Variants in ARB2A observed in about 807,000 individuals in gnomAD.
ARB2A encodes the protein ARB2 cotranscriptional regulator A, also known as cotranscriptional regulator ARB2A.
chr5:93,968,250 T>G, the ARB2A span, among the ~76,000 whole-genome samples: 1 of 152,116 alleles, frequency 6.6e-6, no homozygotes, highest in Non-Finnish European at 1.5e-5. Flanking sequence ...GACTCAGATA[T>G]AGCAGAGATA....
the ARB2A span, among the ~76,000 whole-genome samples, chr5:93,788,512 C>T: frequency 6.6e-6 from 1 of 152,184 alleles, no homozygotes; most frequent in Non-Finnish European, 1.5e-5. Flanking sequence ...GATGTACCTG[C>T]CTACTGTCTT....
the ARB2A span, among the ~76,000 whole-genome samples, chr5:93,656,621 A>G: frequency 6.6e-6 from 1 of 152,172 alleles, no homozygotes; most frequent in African/African-American, 2.4e-5. Flanking sequence ...GACACTGTTC[A>G]TTATTTTGAT....
At chr5:93,684,079 A>G in the ARB2A span, among the ~76,000 whole-genome samples, 1 of 152,278 alleles carries the variant, frequency 6.6e-6, no homozygotes, top group East Asian at 1.9e-4. Flanking sequence ...GATAGCAATG[A>G]CCGTGTCAAA....
the ARB2A span, among the ~76,000 whole-genome samples, chr5:93,791,517 T>G: frequency 6.6e-6 from 1 of 152,322 alleles, no homozygotes; most frequent in South Asian, 2.1e-4. Context: ...AGAGCAAGCC[T>G]TAGCACTGTG....
At chr5:93,903,007 T>C in the ARB2A span, among the ~76,000 whole-genome samples, 1 of 152,060 alleles carries the variant, frequency 6.6e-6, no homozygotes, top group South Asian at 2.1e-4. Flanking sequence ...GGCCATTTAG[T>C]AGGGGTGAAT....
the ARB2A span, among the ~76,000 whole-genome samples, chr5:93,984,432 T>C: frequency 1.3e-5 from 2 of 152,322 alleles, no homozygotes; most frequent in African/African-American, 4.8e-5. Flanking sequence ...TTTCTTAAAA[T>C]GTTGCAAGAC....
the ARB2A span, among the ~76,000 whole-genome samples, chr5:93,702,079 TCA>T: frequency 6.6e-6 from 1 of 152,280 alleles, no homozygotes; most frequent in East Asian, 1.9e-4. Context: ...CATTTTATTC[TCA>T]GTTTAAATTC....
chr5:94,044,714 A>T, the ARB2A span, among the ~76,000 whole-genome samples: 1 of 152,118 alleles, frequency 6.6e-6, no homozygotes, highest in African/African-American at 2.4e-5. Flanking sequence ...GGCACAAGAT[A>T]CAGGTCATAA....
At chr5:93,930,758 T>C in the ARB2A span, among the ~76,000 whole-genome samples, 1 of 152,228 alleles carries the variant, frequency 6.6e-6, no homozygotes, top group African/African-American at 2.4e-5. Flanking sequence ...AGCATAGTTC[T>C]GTTGAATTTT....
the ARB2A span, among the ~76,000 whole-genome samples, chr5:93,913,101 T>G: frequency 2.0e-5 from 3 of 151,802 alleles, no homozygotes; most frequent in Non-Finnish European, 4.4e-5. Context: ...GTACTTCTGG[T>G]GCTAAGTCCT....
the ARB2A span, among the ~76,000 whole-genome samples, chr5:93,717,363 C>T: frequency 5.9e-5 from 9 of 151,362 alleles, no homozygotes; most frequent in East Asian, 7.8e-4. Flanking sequence ...CTCAACTCAG[C>T]GCTGTGGAAC....
chr5:93,779,436 G>C, the ARB2A span, among the ~76,000 whole-genome samples: 1 of 152,062 alleles, frequency 6.6e-6, no homozygotes, highest in Non-Finnish European at 1.5e-5. Flanking sequence ...TTTTAGTTGA[G>C]ATGAACACTA....
At chr5:93,893,689 T>C in the ARB2A span, among the ~76,000 whole-genome samples, 3 of 152,206 alleles carry the variant, frequency 2.0e-5, no homozygotes, top group Non-Finnish European at 4.4e-5. Flanking sequence ...TAAAGAAATA[T>C]AACATTATGT....
At chr5:94,093,894 A>G in the ARB2A span, among the ~76,000 whole-genome samples, 3 of 152,212 alleles carry the variant, frequency 2.0e-5, no homozygotes, top group Non-Finnish European at 4.4e-5. Flanking sequence ...CAAACAATAG[A>G]CATTCCCATT....
the ARB2A span, among the ~76,000 whole-genome samples, chr5:93,731,711 C>T: frequency 6.6e-6 from 1 of 152,192 alleles, no homozygotes; most frequent in African/African-American, 2.4e-5. Flanking sequence ...CCTGGCCACT[C>T]AACCTAGTCC....
the ARB2A span, among the ~76,000 whole-genome samples, chr5:93,883,262 T>C: frequency 6.6e-6 from 1 of 151,554 alleles, no homozygotes. Context: ...AACTATATAA[T>C]AATATATAGC....
chr5:93,932,570 G>A, the ARB2A span, among the ~76,000 whole-genome samples: 1 of 152,166 alleles, frequency 6.6e-6, no homozygotes, highest in East Asian at 1.9e-4. Context: ...CATTTCTTCA[G>A]TTTATGAAAT....
chr5:94,088,194 A>G, the ARB2A span, among the ~76,000 whole-genome samples: 1 of 152,324 alleles, frequency 6.6e-6, no homozygotes, highest in East Asian at 1.9e-4. Flanking sequence ...GAGCAGCTAT[A>G]TATCAATAAC....
chr5:94,072,651 A>T, the ARB2A span, among the ~76,000 whole-genome samples: 7 of 152,106 alleles, frequency 4.6e-5, no homozygotes, highest in Admixed American at 1.3e-4. Context: ...CTAGATACAG[A>T]ACATATTTTC....
Sources: gnomAD v4.1 joint callset for allele counts (sites outside exome capture counted in the v4.1 genomes callset) on GRCh38, gnomAD v4.1.1 for gene constraint, MANE v1.5 for transcripts, NCBI Gene and HGNC (gene_info 2026-07-23, HGNC 2026-07-21) for gene names.